The following DBNL variants were observed in gnomAD, a reference collection of about 807,000 sequenced individuals.
The protein encoded by DBNL is drebrin like, also known as drebrin-like protein.
Under a neutral mutation model 62.2 loss-of-function variants are expected in DBNL, and 35 were observed. The ratio of observed to expected loss-of-function variants is 0.56; its 90% CI spans 0.43 to 0.75. The LOEUF (loss-of-function observed/expected upper bound fraction) is 0.75, where lower values mean the gene tolerates loss of function less well. Among genes scored for constraint, DBNL ranks in the 30% least tolerant of loss-of-function variants. The probability of loss-of-function intolerance (pLI) is 0.00; values close to 1 mark genes in which losing one functional copy is unlikely to be tolerated. For missense variants in DBNL, 495 were observed against 578.4 expected, an observed-to-expected ratio of 0.86 and a Z score of 1.48; for synonymous variants, 197 against 218.0, an observed-to-expected ratio of 0.90 and a Z score of 0.85.
intron 1 of DBNL, among the ~76,000 whole-genome samples, chr7:44,049,110 C>T (rs1437529832): frequency 6.6e-6 from 1 of 152,124 alleles, no homozygotes; most frequent in Non-Finnish European, 1.5e-5. Context: ...CTGCCTCAGC[C>T]TCCCAAAGTC....
chr7:44,048,996 G>A (rs557176911), intron 1 of DBNL, among the ~76,000 whole-genome samples: 1 of 151,920 alleles, frequency 6.6e-6, no homozygotes, highest in African/African-American at 2.4e-5. Context: ...TTGGGACTAC[G>A]GGCATATGCC....
rs1398851121 is a variant in DBNL, at chr7:44,064,357, G to C, written c.*3441G>C. On this transcript the variant is annotated 3_prime_UTR_variant, in exon 13 of 13. Transcript: ENST00000448521. ...GAGATAGGTGGTGAAGCTCATGCAG[G>C]GATTCTGAGGACCTGATGGGGGAGG... The C allele has an allele frequency of 4.7e-6, 1 of 213,242 alleles. No individual in the cohort carries two copies. Among genetic ancestry groups the C allele is most frequent in the African/African-American group, 2.3e-5 (1 of 42,954 alleles). 13.2% of individuals were successfully genotyped at this position (213,242 alleles called of 1,614,324 possible). A position where few individuals can be genotyped will look rare whatever the true frequency, so the allele number is the denominator to read the frequency against.
At chr7:44,058,592 C>A in intron 8 of DBNL, 112 bp downstream of exon 8, 1 of 1,420,038 alleles carries the variant, frequency 7.0e-7, no homozygotes, top group Non-Finnish European at 9.6e-7. Context: ...CTGCAGTCAG[C>A]TGGGGCAGGT....
rs894095738 is a variant in DBNL, at chr7:44,050,478, G to A, written c.139+198G>A. ...TGGTTCTCCTTCCCTCTGGGTGCAG[G>A]GGAGTGCTTTCTCTTTGTCTACTTG... On this transcript the variant is annotated intron_variant, in intron 2 of 12. Transcript: ENST00000448521. 35 of 507,482 alleles carry A rather than the reference G, an allele frequency of 6.9e-5. 1 individual carries two copies. The East Asian group carries it at 1.2e-3, about 18-fold the overall frequency. 31.4% of individuals were successfully genotyped at this position (507,482 alleles called of 1,614,324 possible).
chr7:44,058,437 G>A lies in DBNL; in HGVS notation c.710G>A (p.Trp237Ter). The A allele has an allele frequency of 6.2e-7, 1 of 1,614,246 alleles. No homozygotes were observed. The highest frequency in any genetic ancestry group is 8.5e-7 in the Non-Finnish European group (1 of 1,180,038). ...CACCCGGCCCTTCCCAGCAGGACGTGGGAGCAGCAGCAAGAAGTGGTTTCA... is the reference window on the plus strand; with the variant it reads ...CACCCGGCCCTTCCCAGCAGGACGTAGGAGCAGCAGCAAGAAGTGGTTTCA... ...QGGEASPQRT[W>*]EQQQEVVSRN... The change falls in exon 8 of 13, where the codon TGG becomes TAG. Residue 237 changes from tryptophan to a stop codon, truncating the protein, a stop_gained. Coordinates refer to ENST00000448521, the MANE Select transcript of DBNL (RefSeq NM_001014436.3). LOFTEE classifies it high-confidence loss of function.
At position 44,053,119 on chromosome 7, in the gene DBNL, T is replaced by C. The variant is rs566021609; in HGVS notation, c.327+178T>C. ...GGCTGCTTCACTCTCGGTCAGTGAG[T>C]GCATGGGAGGTCAGGATGTTGCCAG... On this transcript the variant is annotated intron_variant, in intron 4 of 12. Coordinates refer to ENST00000448521, the MANE Select transcript of DBNL (RefSeq NM_001014436.3). Among the ~76,000 whole-genome samples, 4 of 152,220 alleles carry C rather than the reference T, an allele frequency of 2.6e-5. No individual in the cohort carries two copies. The South Asian group carries it at 6.2e-4, about 24-fold the overall frequency.
In DBNL at chr7:44,062,675, A is replaced by G; in HGVS notation, c.*1759A>G. 3 of 1,435,930 alleles carry G rather than the reference A, an allele frequency of 2.1e-6. No homozygotes were observed. Among genetic ancestry groups the G allele is most frequent in the Admixed American group, 3.7e-5 (2 of 54,682 alleles). The allele number at this position is 1,435,930 out of a possible 1,614,324, so 88.9% of individuals were successfully genotyped here. On this transcript the variant is annotated 3_prime_UTR_variant, in exon 13 of 13. Coordinates refer to ENST00000448521, the MANE Select transcript of DBNL (RefSeq NM_001014436.3). The stretch of plus-strand genomic sequence containing the variant: ...CTGCACCCCTGGTTCTGGAGTCCCC[A>G]CAGCTGATGGCGGTGTGAGCCTGGC...
intron 3 of DBNL, among the ~76,000 whole-genome samples, chr7:44,052,267 C>G (rs569645972): frequency 1.4e-3 from 215 of 152,046 alleles, no homozygotes; most frequent in African/African-American, 4.9e-3. Flanking sequence ...TGTTTAGGAG[C>G]CTGGGAGTAC....
intron 4 of DBNL, among the ~76,000 whole-genome samples, chr7:44,054,518 ATAGTTG>A (rs1322673889): frequency 2.2e-4 from 33 of 152,284 alleles, no homozygotes; most frequent in African/African-American, 7.7e-4. Context: ...TTGATATATA[ATAGTTG>A]TACATATTTT....
chr7:44,064,799 C>CCCCCCAGCCCACGCTCCAGAAAGTGGCCA lies in DBNL; in HGVS notation c.*3884_*3885insCCCCAGCCCACGCTCCAGAAAGTGGCCAC. 1 of 1,212,908 alleles carries CCCCCCAGCCCACGCTCCAGAAAGTGGCCA rather than the reference C, an allele frequency of 8.2e-7. No individual in the cohort carries two copies. 75.1% of individuals were successfully genotyped at this position (1,212,908 alleles called of 1,614,324 possible). A position where few individuals can be genotyped will look rare whatever the true frequency, so the allele number is the denominator to read the frequency against. The stretch of plus-strand genomic sequence containing the variant: ...GAAGCCAGCTGGGGCTGCTGCCCAC[C>CCCCCCAGCCCACGCTCCAGAAAGTGGCCA]CACCCTGCCCAGGCTCCTGAAGGTG... On this transcript the variant is annotated 3_prime_UTR_variant, in exon 13 of 13. Coordinates refer to ENST00000448521, the MANE Select transcript of DBNL (RefSeq NM_001014436.3).
chr7:44,068,109 G>A lies in DBNL; in HGVS notation c.*7193G>A, dbSNP rs542646090. 1 of 152,194 alleles carries A rather than the reference G, an allele frequency of 6.6e-6. No homozygotes were observed. The highest frequency in any genetic ancestry group is 2.4e-5 in the African/African-American group (1 of 41,444). 9.4% of individuals were successfully genotyped at this position (152,194 alleles called of 1,614,324 possible). A position where few individuals can be genotyped will look rare whatever the true frequency, so the allele number is the denominator to read the frequency against. On this transcript the variant is annotated 3_prime_UTR_variant, in exon 13 of 13. Coordinates refer to ENST00000448521, the MANE Select transcript of DBNL (RefSeq NM_001014436.3). ...AGCTGGGTACGCACTTGAAACCTGA[G>A]AGGGTAACGCTACCCTCTGTCTAGA...
Position 44,067,543 on chromosome 7 carries a change from C to T in DBNL, c.*6627C>T, listed in dbSNP as rs1251713923. ...GGGCTGGACTTCGGGGAAGCAAGCC[C>T]CTGCTTCTGACCCTTGGCTCCGGCT... On this transcript the variant is annotated 3_prime_UTR_variant, in exon 13 of 13. Coordinates refer to ENST00000448521, the MANE Select transcript of DBNL (RefSeq NM_001014436.3). 1.3e-5 allele frequency: 2 copies of T among 152,220 alleles called. No individual in the cohort carries two copies. Among genetic ancestry groups the T allele is most frequent in the Non-Finnish European group, 2.9e-5 (2 of 68,044 alleles). 9.4% of individuals were successfully genotyped at this position (152,220 alleles called of 1,614,324 possible).
At position 44,058,155 on chromosome 7, in the gene DBNL, G is replaced by A. The variant is rs553974585; in HGVS notation, c.579G>A (p.Glu193=). 144 of 1,559,200 alleles carry A rather than the reference G, an allele frequency of 9.2e-5. No individual in the cohort carries two copies. Among genetic ancestry groups the A allele is most frequent in the Non-Finnish European group, 1.1e-5 (13 of 1,151,924 alleles). Residue 193 remains glutamate (E), a synonymous_variant, in exon 7 of 13, where the codon GAG becomes GAA. Transcript: ENST00000448521. The part of the protein sequence containing the change: ...AEKEEENRRL[E]EKRRAEEAQR... ...AGGAGGAGGAGAACCGTCGGCTGGA[G>A]GAAAAGCGGCGGGCCGAGGAGGCAC... is the stretch of plus-strand genomic sequence containing the variant.
chr7:44,058,257 G>A lies in DBNL; in HGVS notation c.681G>A (p.Gln227=), dbSNP rs748177361. 2 of 1,576,538 alleles carry A rather than the reference G, an allele frequency of 1.3e-6. No individual in the cohort carries two copies. The highest frequency in any genetic ancestry group is 1.7e-6 in the Non-Finnish European group (2 of 1,161,994). ...AARREQRYQE[Q]GGEASPQRTW... is the part of the protein sequence containing the mutation. The stretch of plus-strand genomic sequence containing the variant: ...GCCGGGAGCAGCGCTATCAGGAGCA[G>A]GGTGGCGAGGCCAGCCCCCAGAGGT... The change falls in exon 7 of 13, where the codon CAG becomes CAA. Residue 227 remains glutamine, a synonymous_variant. Transcript: ENST00000448521.
Position 44,050,256 on chromosome 7 carries a change from G to A in DBNL, c.115G>A (p.Asp39Asn). 1 of 1,613,764 alleles carries A rather than the reference G, an allele frequency of 6.2e-7. No homozygotes were observed. The highest frequency in any genetic ancestry group is 8.5e-7 in the Non-Finnish European group (1 of 1,179,772). ...CTTTACCTATGAAGGCAACAGCAAT[G>A]ACATCCGCGTGGCTGGCACAGGGGG... ...ALFTYEGNSN[D>N]IRVAGTGEGG... The change falls in exon 2 of 13, where the codon GAC becomes AAC. Residue 39 changes from aspartate (D) to asparagine (N), a missense_variant. Asp to Asn is a conservative substitution (Grantham distance 23). Coordinates refer to ENST00000448521, the MANE Select transcript of DBNL (RefSeq NM_001014436.3).
chr7:44,060,013 G>A lies in DBNL; in HGVS notation c.1048-35G>A, dbSNP rs1392787259. 6.3e-7 allele frequency: 1 copy of A among 1,596,698 alleles called. No homozygotes were observed. The highest frequency in any genetic ancestry group is 8.6e-7 in the Non-Finnish European group (1 of 1,167,008). On this transcript the variant is annotated intron_variant, in intron 11 of 12. Coordinates refer to ENST00000448521, the MANE Select transcript of DBNL (RefSeq NM_001014436.3). This position sits in a 1 kb window ranked among gnomAD's most constrained non-coding sequence, Gnocchi z 6.3. Reference sequence around the variant, plus strand: ...AGAGCAGCGATTGTGTGTAAGGGCTGAGTCTGGGGTAACACCTTTGTCATC... The same window carrying A: ...AGAGCAGCGATTGTGTGTAAGGGCTAAGTCTGGGGTAACACCTTTGTCATC...
In DBNL at chr7:44,062,638, G is replaced by A. The variant is rs1004880102; in HGVS notation, c.*1722G>A. 1.7e-5 allele frequency: 16 copies of A among 928,998 alleles called. No individual in the cohort carries two copies. The highest frequency in any genetic ancestry group is 2.2e-5 in the Non-Finnish European group (13 of 593,264). 57.5% of individuals were successfully genotyped at this position (928,998 alleles called of 1,614,324 possible). On this transcript the variant is annotated 3_prime_UTR_variant, in exon 13 of 13. Coordinates refer to ENST00000448521, the MANE Select transcript of DBNL (RefSeq NM_001014436.3). ...CTGGTGACACACGTATGGAGTGGGG[G>A]AGGGTGGGTGGCTGCACCCCTGGTT...
rs1371399981 is a variant in DBNL at position 44,058,123 on chromosome 7, C to T, written c.553-6C>T. On this transcript the variant is annotated splice_polypyrimidine_tract_variant and splice_region_variant and intron_variant, in intron 6 of 12. Coordinates refer to ENST00000448521, the MANE Select transcript of DBNL (RefSeq NM_001014436.3). The stretch of plus-strand genomic sequence containing the variant: ...AGGGCTGAGCGGGCAGTGGCTCTCC[C>T]TGCAGAAGGAGGAGGAGAACCGTCG... The T allele has an allele frequency of 2.6e-6, 4 of 1,553,772 alleles. No homozygotes were observed. The highest frequency in any genetic ancestry group is 2.4e-5 in the East Asian group (1 of 41,418).
Position 44,064,799 on chromosome 7 carries a change from C to CCCCCCGCCCCCGGGACGTCAGGTGGCCG in DBNL, c.*3884_*3885insCCCCGCCCCCGGGACGTCAGGTGGCCGC. The stretch of plus-strand genomic sequence containing the variant: ...GAAGCCAGCTGGGGCTGCTGCCCAC[C>CCCCCCGCCCCCGGGACGTCAGGTGGCCG]CACCCTGCCCAGGCTCCTGAAGGTG... On this transcript the variant is annotated 3_prime_UTR_variant, in exon 13 of 13. Coordinates refer to ENST00000448521, the MANE Select transcript of DBNL (RefSeq NM_001014436.3). 8.2e-7 allele frequency: 1 copy of CCCCCCGCCCCCGGGACGTCAGGTGGCCG among 1,212,908 alleles called. No homozygotes were observed. Among genetic ancestry groups the CCCCCCGCCCCCGGGACGTCAGGTGGCCG allele is most frequent in the Non-Finnish European group, 1.2e-6 (1 of 841,502 alleles). The allele number at this position is 1,212,908 out of a possible 1,614,324, so 75.1% of individuals were successfully genotyped here.
Sources: gnomAD v4.1 joint callset for allele counts (sites outside exome capture counted in the v4.1 genomes callset) on GRCh38, gnomAD v4.1.1 for gene constraint, Gnocchi (gnomAD v3.1) non-coding constraint, MANE v1.5 for transcripts, NCBI Gene and HGNC (gene_info 2026-07-23, HGNC 2026-07-21) for gene names.